GZF1: variants seen among roughly 807,000 people sequenced by gnomAD.
The protein encoded by GZF1 is GDNF-inducible zinc finger protein 1.
A neutral mutation model predicts 49.4 loss-of-function variants in GZF1; 28 were observed. The ratio of observed to expected loss-of-function variants is 0.57; its 90% CI spans 0.42 to 0.78. GZF1 has a LOEUF of 0.78. GZF1 is among the 30% of genes least tolerant of loss of function. The pLI, the probability that GZF1 is intolerant of heterozygous loss-of-function variation, is 0.00. For missense variants in GZF1, 798 were observed against 916.2 expected (o/e 0.87, Z 1.67); for synonymous variants, 364 against 356.0 (o/e 1.02, Z -0.25).
At chr20:23,368,670 G>T in intron 3 of GZF1, 92 bp from the exon 4 acceptor site, 1 of 825,076 alleles carries the variant, frequency 1.2e-6, no homozygotes, top group South Asian at 3.7e-5. Context: ...AGGCACTTTT[G>T]AGTTCACGTG....
intron 1 of GZF1, among the ~76,000 whole-genome samples, chr20:23,363,786 G>A (rs1247115653): frequency 6.6e-6 from 1 of 152,238 alleles, no homozygotes; most frequent in African/African-American, 2.4e-5. Flanking sequence ...CATTATTTCA[G>A]TAGAGTAACA....
rs1420533655 is a variant in GZF1, at chr20:23,370,958, G to C, written c.*517G>C. 1.9e-5 allele frequency: 3 copies of C among 154,628 alleles called. No individual in the cohort carries two copies. The highest frequency in any genetic ancestry group is 7.2e-5 in the African/African-American group (3 of 41,436). The allele number at this position is 154,628 out of a possible 1,614,324, so 9.6% of individuals were successfully genotyped here. A position where few individuals can be genotyped will look rare whatever the true frequency, so the allele number is the denominator to read the frequency against. Reference sequence around the variant, plus strand: ...TTCCCTGTTGAATTGAAGCAAATCAGATTTTCTGTGGGGACCCTCAAATGC... The same window carrying C: ...TTCCCTGTTGAATTGAAGCAAATCACATTTTCTGTGGGGACCCTCAAATGC... On this transcript the variant is annotated 3_prime_UTR_variant, in exon 6 of 6. Transcript: ENST00000338121.
chr20:23,364,323 C>A, intron 1 of GZF1, 40 bp from the exon 2 acceptor site: 1 of 1,193,166 alleles, frequency 8.4e-7, no homozygotes, highest in Non-Finnish European at 1.2e-6. Flanking sequence ...CCTTTTGCAT[C>A]AGTGGTTGCT....
chr20:23,372,427 CCA>C lies in GZF1; in HGVS notation c.*1987_*1988del, dbSNP rs1179126447. 2.6e-5 allele frequency: 4 copies of C among 152,216 alleles called. No homozygotes were observed. The East Asian group carries it at 7.7e-4, about 29-fold the overall frequency. 9.4% of individuals were successfully genotyped at this position (152,216 alleles called of 1,614,324 possible). A position where few individuals can be genotyped will look rare whatever the true frequency, so the allele number is the denominator to read the frequency against. On this transcript the variant is annotated 3_prime_UTR_variant, in exon 6 of 6. Coordinates refer to ENST00000338121, the MANE Select transcript of GZF1 (RefSeq NM_022482.5). ...ATTAAGCTGTTTAACTGCTTGGATCCCAGTTGGTCTCTGGCAGTGGGATCCTG... is the reference window on the plus strand; with the variant it reads ...ATTAAGCTGTTTAACTGCTTGGATCCGTTGGTCTCTGGCAGTGGGATCCTG...
In GZF1 at chr20:23,370,446, T is replaced by G; in HGVS notation, c.*5T>G. Reference sequence around the variant, plus strand: ...TCTTTGAGCAACATGGAATAAGAGCTTCAAGCAGTTCCCATCCTGTTAGTC... The same window carrying G: ...TCTTTGAGCAACATGGAATAAGAGCGTCAAGCAGTTCCCATCCTGTTAGTC... On this transcript the variant is annotated 3_prime_UTR_variant, in exon 6 of 6. Coordinates refer to ENST00000338121, the MANE Select transcript of GZF1 (RefSeq NM_022482.5). The G allele has an allele frequency of 6.4e-7, 1 of 1,564,150 alleles. No homozygotes were observed. Among genetic ancestry groups the G allele is most frequent in the Non-Finnish European group, 8.8e-7 (1 of 1,135,358 alleles).
In GZF1 at chr20:23,370,653, TTTA is replaced by T. The variant is rs1272375012; in HGVS notation, c.*215_*217del. Reference sequence around the variant, plus strand: ...TCCTGATCTGCATGATCTCAGCTACTTTATTGACAAAAAGGCAGTGAACATAAC... The same window carrying T: ...TCCTGATCTGCATGATCTCAGCTACTTTGACAAAAAGGCAGTGAACATAAC... On this transcript the variant is annotated 3_prime_UTR_variant, in exon 6 of 6. Coordinates refer to ENST00000338121, the MANE Select transcript of GZF1 (RefSeq NM_022482.5). 5.4e-6 allele frequency: 3 copies of T among 559,212 alleles called. No homozygotes were observed. The African/African-American group carries it at 5.6e-5, about 11-fold the overall frequency. 34.6% of individuals were successfully genotyped at this position (559,212 alleles called of 1,614,324 possible). A position where few individuals can be genotyped will look rare whatever the true frequency, so the allele number is the denominator to read the frequency against.
intron 3 of GZF1, 57 bp from the exon 4 acceptor site, chr20:23,368,705 T>G: frequency 7.0e-7 from 1 of 1,427,282 alleles, no homozygotes; most frequent in Admixed American, 2.1e-5. Context: ...AGACCTACTG[T>G]TCCATGTGTT....
At chr20:23,366,419 TATA>T (rs1981398435) in intron 2 of GZF1, among the ~76,000 whole-genome samples, 1 of 152,188 alleles carries the variant, frequency 6.6e-6, no homozygotes. Flanking sequence ...TTTTACTCTA[TATA>T]ATAAGTTAAA....
At chr20:23,361,942 CAGGCGCAGGCCTT>C (rs1980699356), upstream of GZF1, among the ~76,000 whole-genome samples, 3 of 152,230 alleles carry the variant, frequency 2.0e-5, no homozygotes, top group Admixed American at 2.0e-4. Flanking sequence ...GTCTCCTGCG[CAGGCGCAGGCCTT>C]GGCTCGCGGC....
At chr20:23,361,275 G>C (rs1936011), upstream of GZF1, among the ~76,000 whole-genome samples, 11,500 of 152,304 alleles carry the variant, frequency 0.076, 658 homozygotes, top group East Asian at 0.29. Flanking sequence ...GGAGCAAAAG[G>C]CAAGGTCAGT....
chr20:23,364,052 TAGAC>T (rs1981000115), intron 1 of GZF1, among the ~76,000 whole-genome samples: 1 of 152,202 alleles, frequency 6.6e-6, no homozygotes, highest in South Asian at 2.1e-4. Context: ...GTAAGCAAAT[TAGAC>T]AGTGACCTTG....
intron 4 of GZF1, among the ~76,000 whole-genome samples, chr20:23,369,186 T>TA (rs1981768714): frequency 6.6e-6 from 1 of 152,220 alleles, no homozygotes; most frequent in Admixed American, 6.5e-5. Flanking sequence ...ACAGACAGCT[T>TA]AGTCATGGTG....
chr20:23,361,525 C>A (rs561822785), upstream of GZF1, among the ~76,000 whole-genome samples: 8 of 152,320 alleles, frequency 5.3e-5, no homozygotes, highest in East Asian at 1.5e-3. Context: ...GGTGCGGTCC[C>A]GGCTCCTGGC....
intron 4 of GZF1, among the ~76,000 whole-genome samples, 161 bp downstream of exon 4, chr20:23,369,090 C>T (rs1339288274): frequency 6.6e-6 from 1 of 152,166 alleles, no homozygotes; most frequent in Non-Finnish European, 1.5e-5. Context: ...GTTTCTAACT[C>T]TGAGAAACTG....
At chr20:23,368,367 T>A (rs1458317827) in intron 3 of GZF1, among the ~76,000 whole-genome samples, 1 of 152,190 alleles carries the variant, frequency 6.6e-6, no homozygotes, top group Non-Finnish European at 1.5e-5. Flanking sequence ...GTGATATATA[T>A]CCATTGTCAA....
Position 23,370,471 on chromosome 20 carries a change from C to A in GZF1, c.*30C>A. 7.3e-7 allele frequency: 1 copy of A among 1,373,054 alleles called. No individual in the cohort carries two copies. The highest frequency in any genetic ancestry group is 1.2e-5 in the South Asian group (1 of 84,154). 85.1% of individuals were successfully genotyped at this position (1,373,054 alleles called of 1,614,324 possible). A position where few individuals can be genotyped will look rare whatever the true frequency, so the allele number is the denominator to read the frequency against. ...TTCAAGCAGTTCCCATCCTGTTAGT[C>A]TGCGTGTGTGGTAGCTGAACTCAAG... On this transcript the variant is annotated 3_prime_UTR_variant, in exon 6 of 6. Transcript: ENST00000338121.
intron 4 of GZF1, 119 bp downstream of exon 4, chr20:23,369,048 T>C (rs1981745457): frequency 2.5e-6 from 2 of 787,838 alleles, no homozygotes; most frequent in African/African-American, 1.8e-5. Context: ...TGGCCAAACT[T>C]TGTATGTCAT....
intron 4 of GZF1, 128 bp downstream of exon 4, chr20:23,369,057 A>G (rs1044839992): frequency 1.4e-5 from 10 of 714,178 alleles, no homozygotes; most frequent in African/African-American, 7.2e-5. Flanking sequence ...TTTGTATGTC[A>G]TAATAGCATT....
Position 23,365,219 on chromosome 20 carries a change from A to C in GZF1, c.836A>C (p.Asn279Thr), listed in dbSNP as rs926894565. 1 of 1,602,076 alleles carries C rather than the reference A, an allele frequency of 6.2e-7. No homozygotes were observed. The change falls in exon 2 of 6, where the codon AAT becomes ACT. Residue 279 changes from asparagine to threonine, a missense_variant. Physicochemically the swap from Asn to Thr is moderately conservative, Grantham distance 65 (BLOSUM62 0). Transcript: ENST00000338121. ...VGTEMEQVSKNEGCQAGAELE... is the reference protein window; with the variant it reads ...VGTEMEQVSKTEGCQAGAELE... Reference sequence around the variant, plus strand: ...ACGGAGATGGAGCAGGTTTCCAAAAATGAGGGTTGCCAGGCAGGTGCTGAG... The same window carrying C: ...ACGGAGATGGAGCAGGTTTCCAAAACTGAGGGTTGCCAGGCAGGTGCTGAG...
Sources: gnomAD v4.1 joint callset for allele counts (sites outside exome capture counted in the v4.1 genomes callset) on GRCh38, gnomAD v4.1.1 for gene constraint, MANE v1.5 for transcripts, NCBI Gene and HGNC (gene_info 2026-07-23, HGNC 2026-07-21) for gene names.